Variants in COL20A1 observed in about 807,000 individuals in gnomAD.
The protein encoded by COL20A1 is collagen type XX alpha 1 chain, also known as collagen alpha-1(XX) chain.
In COL20A1, 164 loss-of-function variants were observed where a neutral mutation model predicts 152.9. That is an observed-to-expected ratio of 1.07 (90% confidence interval 0.94 to 1.22). The LOEUF is 1.22. COL20A1 is among the 50% of genes most tolerant of loss of function. The pLI, the probability that COL20A1 is intolerant of heterozygous loss-of-function variation, is 0.00. For missense variants in COL20A1, 1,873 were observed against 1,744.8 expected (o/e 1.07, Z -1.31); for synonymous variants, 864 against 756.0 (o/e 1.14, Z -2.34).
intron 26 of COL20A1, 45 bp downstream of exon 26, chr20:63,321,144 C>A: frequency 7.8e-7 from 1 of 1,288,662 alleles, no homozygotes; most frequent in Non-Finnish European, 1.1e-6. Context: ...GAACACTGGC[C>A]AATGTATTGC....
At position 63,317,781 on chromosome 20, in the gene COL20A1, G is replaced by A. The variant is rs372451961; in HGVS notation, c.2663+1090G>A. Reference sequence around the variant, plus strand: ...GCCCCCATGGCAGTTTCTCTTCAGGGTGGTATAGTTGCCCTCTGCCCTCCT... The same window carrying A: ...GCCCCCATGGCAGTTTCTCTTCAGGATGGTATAGTTGCCCTCTGCCCTCCT... On this transcript the variant is annotated intron_variant, in intron 21 of 35. Transcript: ENST00000358894. 4.1e-3 allele frequency among the ~76,000 whole-genome samples: 630 copies of A among 152,060 alleles called. 10 individuals are homozygous for A. The highest frequency in any genetic ancestry group is 0.014 in the African/African-American group (592 of 41,442).
chr20:63,297,488 C>T (rs1601400661), intron 2 of COL20A1, among the ~76,000 whole-genome samples: 1 of 152,206 alleles, frequency 6.6e-6, no homozygotes, highest in African/African-American at 2.4e-5. Flanking sequence ...GGACTCAGCT[C>T]AGGGCCCTGG....
chr20:63,330,118 G>A (rs995330630), intron 35 of COL20A1, among the ~76,000 whole-genome samples: 1 of 152,122 alleles, frequency 6.6e-6, no homozygotes, highest in East Asian at 1.9e-4. Flanking sequence ...AGAGAGGCAG[G>A]GTGGGGGCCA....
intron 34 of COL20A1, among the ~76,000 whole-genome samples, chr20:63,328,803 A>G (rs962108839): frequency 7.9e-5 from 12 of 151,786 alleles, no homozygotes; most frequent in Non-Finnish European, 1.6e-4. Context: ...CCTACCTCCC[A>G]TCCTTCCTCC....
At chr20:63,328,163 C>A in intron 33 of COL20A1, 36 bp downstream of exon 33, 1 of 1,609,592 alleles carries the variant, frequency 6.2e-7, no homozygotes. Context: ...AGGCCAGCAG[C>A]CCTGCACCTG....
At chr20:63,308,384 C>G (rs1229439486) in intron 7 of COL20A1, among the ~76,000 whole-genome samples, 158 bp from the exon 8 acceptor site, 1 of 152,222 alleles carries the variant, frequency 6.6e-6, no homozygotes, top group African/African-American at 2.4e-5. Context: ...TGGGGCCCTT[C>G]AACAGGTAGA....
chr20:63,297,567 A>G (rs2067814104), intron 2 of COL20A1, among the ~76,000 whole-genome samples: 1 of 152,148 alleles, frequency 6.6e-6, no homozygotes. Context: ...GTCCTCCCAG[A>G]CATGGGCCTG....
In COL20A1 at chr20:63,328,519, G is replaced by A. The variant is rs756856232; in HGVS notation, c.3781+21G>A. On this transcript the variant is annotated intron_variant, in intron 34 of 35. Coordinates refer to ENST00000358894, the MANE Select transcript of COL20A1 (RefSeq NM_020882.4). ...CAGAGGTACTGGGCTCCTGGCTCTT[G>A]GGGAGGGAGTTGTGGCCGGTGGGGG... is the stretch of plus-strand genomic sequence containing the variant. 1.0e-5 allele frequency: 16 copies of A among 1,595,166 alleles called. No homozygotes were observed. The South Asian group carries it at 1.7e-4, about 17-fold the overall frequency.
intron 2 of COL20A1, among the ~76,000 whole-genome samples, chr20:63,296,087 G>A (rs187466239): frequency 2.6e-4 from 40 of 152,408 alleles, no homozygotes; most frequent in African/African-American, 9.4e-4. Flanking sequence ...CGGGAGCCCC[G>A]GTGTAGCGTG....
chr20:63,328,264 G>A (rs1047434066), intron 33 of COL20A1, 67 bp from the exon 34 acceptor site: 42 of 1,561,804 alleles, frequency 2.7e-5, no homozygotes, highest in South Asian at 1.2e-4. Flanking sequence ...GTGTCCTGGC[G>A]TGGCCTGCAC....
chr20:63,309,739 AC>A lies in COL20A1; in HGVS notation c.1106-18del. On this transcript the variant is annotated intron_variant, in intron 9 of 35. Transcript: ENST00000358894. ...CCCGTGCAGTGACCACCTGCCCCCC[AC>A]TCCCGCTACTCCAGCAGCAGCGGCT... The A allele has an allele frequency of 6.5e-7, 1 of 1,534,032 alleles. No homozygotes were observed. Among genetic ancestry groups the A allele is most frequent in the South Asian group, 1.2e-5 (1 of 80,482 alleles).
At chr20:63,329,511 C>A in intron 34 of COL20A1, 74 bp from the exon 35 acceptor site, 2 of 1,189,622 alleles carry the variant, frequency 1.7e-6, no homozygotes, top group Non-Finnish European at 1.2e-6. Context: ...GCCCTGACAC[C>A]CTCTGTCCCC....
At chr20:63,296,644 G>T (rs2123369311) in intron 2 of COL20A1, among the ~76,000 whole-genome samples, 1 of 152,332 alleles carries the variant, frequency 6.6e-6, no homozygotes, top group Non-Finnish European at 1.5e-5. Context: ...TGGGGAAGGG[G>T]TCCCTGACGT....
rs184817651 is a variant in COL20A1, at chr20:63,320,345, C to T, written c.3130C>T (p.Arg1044Trp). ...CAGTGACACCTGGGCCGATGAGGAC[C>T]GGTGCTGTGAGCTCCCTGCCTCGGT... ...VCSDTWADED[R>W]CCELPASRDG... Residue 1044 changes from arginine to tryptophan, a missense_variant, in exon 25 of 36, where the codon CGG becomes TGG. Arg to Trp is a moderately radical substitution (Grantham distance 101). Transcript: ENST00000358894. 8.6e-5 allele frequency: 139 copies of T among 1,611,306 alleles called. No homozygotes were observed. In the South Asian group the frequency reaches 1.0e-3, roughly 12 times the overall value.
In COL20A1 at chr20:63,325,675, CCGGCCACCA is replaced by C; in HGVS notation, c.3357_3365del (p.His1121_Gly1123del). 1 of 1,610,176 alleles carries C rather than the reference CCGGCCACCA, an allele frequency of 6.2e-7. No individual in the cohort carries two copies. Among genetic ancestry groups the C allele is most frequent in the Non-Finnish European group, 8.5e-7 (1 of 1,179,090 alleles). On this transcript the variant is annotated inframe_deletion, in exon 29 of 36. Transcript: ENST00000358894. ...CCCTCTGTTCTCTCCCAGGGCCACC[CCGGCCACCA>C]GGGCATCCCCGGGAGAGTTGGCCTC...
At chr20:63,326,330 GA>G (rs1228511339) in intron 30 of COL20A1, among the ~76,000 whole-genome samples, 181 bp downstream of exon 30, 1 of 152,146 alleles carries the variant, frequency 6.6e-6, no homozygotes, top group African/African-American at 2.4e-5. Context: ...GTCTGCCCAG[GA>G]GCACTGCATG....
intron 8 of COL20A1, among the ~76,000 whole-genome samples, chr20:63,308,920 G>A (rs955597923): frequency 1.2e-4 from 19 of 152,140 alleles, no homozygotes; most frequent in Middle Eastern, 3.2e-3. Flanking sequence ...GGTGCCCTCC[G>A]TGGAACCACC....
intron 9 of COL20A1, 65 bp from the exon 10 acceptor site, chr20:63,309,693 G>A (rs2067978386): frequency 2.8e-6 from 4 of 1,413,374 alleles, no homozygotes; most frequent in Non-Finnish European, 2.8e-6. Context: ...GTGGCCACCA[G>A]GGGGAGCGTG....
intron 1 of COL20A1, among the ~76,000 whole-genome samples, chr20:63,294,605 A>G (rs1482969143): frequency 6.6e-6 from 1 of 150,720 alleles, no homozygotes; most frequent in Non-Finnish European, 1.5e-5. Context: ...GGCAGCTCTC[A>G]CTCTCCTCCA....
Sources: allele counts gnomAD v4.1 joint callset (sites outside exome capture counted in the v4.1 genomes callset), GRCh38; gene constraint gnomAD v4.1.1; transcripts MANE v1.5; gene names NCBI Gene and HGNC (gene_info 2026-07-23, HGNC 2026-07-21).